The following SLC22A9 variants were observed in gnomAD, a reference collection of about 807,000 sequenced individuals.
The protein encoded by SLC22A9 is solute carrier family 22 member 9.
Under a neutral mutation model 50.1 loss-of-function variants are expected in SLC22A9, and 64 were observed. That is an observed-to-expected ratio of 1.28 (90% CI 1.04 to 1.57). The LOEUF is 1.57. SLC22A9 is among the 40% of genes most tolerant of loss of function. The pLI is 0.00. For missense variants in SLC22A9, 757 were observed against 676.1 expected (o/e 1.12, Z -1.33); for synonymous variants, 261 against 242.5 (o/e 1.08, Z -0.71).
intron 6 of SLC22A9, among the ~76,000 whole-genome samples, chr11:63,391,155 A>T (rs1299748147): frequency 6.6e-6 from 1 of 152,012 alleles, no homozygotes; most frequent in African/African-American, 2.4e-5. Flanking sequence ...ATTGATTTCT[A>T]GTTGTATTTC....
intron 6 of SLC22A9, among the ~76,000 whole-genome samples, chr11:63,385,217 T>C (rs1362519708): frequency 6.6e-6 from 1 of 150,992 alleles, no homozygotes; most frequent in Non-Finnish European, 1.5e-5. Flanking sequence ...ATGAAATCTT[T>C]GCCCATCCCT....
chr11:63,406,842 G>T lies in SLC22A9; in HGVS notation c.1288+131G>T, dbSNP rs1193005941. On this transcript the variant is annotated intron_variant, in intron 7 of 9. Coordinates refer to ENST00000279178, the MANE Select transcript of SLC22A9 (RefSeq NM_080866.3). ...TCTTAGGATTTCCTGACACCAATCT[G>T]GGGATTTGGGACAGATTCTGCCACA... The T allele has an allele frequency of 1.5e-5, 15 of 1,025,962 alleles. No individual in the cohort carries two copies. The Admixed American group carries it at 3.9e-4, about 26-fold the overall frequency. The allele number at this position is 1,025,962 out of a possible 1,614,324, so 63.6% of individuals were successfully genotyped here.
chr11:63,410,109 G>A lies in SLC22A9; in HGVS notation c.*247G>A, dbSNP rs1004949135. The A allele has an allele frequency of 1.3e-5, 4 of 305,670 alleles. No homozygotes were observed. The highest frequency in any genetic ancestry group is 4.4e-5 in the African/African-American group (2 of 45,866). 18.9% of individuals were successfully genotyped at this position (305,670 alleles called of 1,614,324 possible). On this transcript the variant is annotated 3_prime_UTR_variant, in exon 10 of 10. Coordinates refer to ENST00000279178, the MANE Select transcript of SLC22A9 (RefSeq NM_080866.3). ...ATACAAAACTTCGCTGGGCACAGTG[G>A]CACAGGCCTTTAATTCCAGCTACTT...
At chr11:63,370,836 T>G (rs1026124735) in intron 1 of SLC22A9, among the ~76,000 whole-genome samples, 3 of 152,144 alleles carry the variant, frequency 2.0e-5, no homozygotes, top group Non-Finnish European at 4.4e-5. Context: ...TGAGAAGGTC[T>G]AAGAGGGAAA....
chr11:63,377,986 A>G (rs1484940336), intron 5 of SLC22A9, among the ~76,000 whole-genome samples: 1 of 152,132 alleles, frequency 6.6e-6, no homozygotes, highest in Non-Finnish European at 1.5e-5. Flanking sequence ...CAAACTCCCA[A>G]TATTGAATCA....
chr11:63,406,850 G>T (rs567572481), intron 7 of SLC22A9, 139 bp downstream of exon 7: 14 of 984,242 alleles, frequency 1.4e-5, no homozygotes, highest in Admixed American at 2.8e-5. Context: ...CTGGGGATTT[G>T]GGACAGATTC....
chr11:63,382,946 G>A (rs1236813970), intron 6 of SLC22A9, among the ~76,000 whole-genome samples: 1 of 152,152 alleles, frequency 6.6e-6, no homozygotes, highest in Non-Finnish European at 1.5e-5. Flanking sequence ...TGCCAAGAGA[G>A]AACACCCTGG....
At chr11:63,382,965 C>T (rs570850960) in intron 6 of SLC22A9, among the ~76,000 whole-genome samples, 3 of 152,284 alleles carry the variant, frequency 2.0e-5, no homozygotes, top group South Asian at 2.1e-4. Context: ...GGCCTATGAC[C>T]GCTCCCTCAT....
chr11:63,382,576 C>A (rs545318337), intron 6 of SLC22A9, among the ~76,000 whole-genome samples: 5 of 152,132 alleles, frequency 3.3e-5, no homozygotes, highest in Non-Finnish European at 7.4e-5. Flanking sequence ...GTGTTTGTTT[C>A]CAGTTTTAAT....
intron 5 of SLC22A9, among the ~76,000 whole-genome samples, chr11:63,376,493 A>C (rs2014463272): frequency 6.6e-6 from 1 of 152,002 alleles, no homozygotes; most frequent in African/African-American, 2.4e-5. Context: ...TGCACAAATG[A>C]TACTAGATCA....
chr11:63,383,678 C>G (rs2119913837), intron 6 of SLC22A9, among the ~76,000 whole-genome samples: 1 of 152,132 alleles, frequency 6.6e-6, no homozygotes, highest in Middle Eastern at 3.4e-3. Flanking sequence ...AGAAACTGAC[C>G]ATAAAGAGAG....
At position 63,379,556 on chromosome 11, in the gene SLC22A9, G is replaced by A. The variant is rs114117246; in HGVS notation, c.955-2603G>A. On this transcript the variant is annotated intron_variant, in intron 5 of 9. Transcript: ENST00000279178. ...AGCTTTTCCACAAAAGTTTTCAACA[G>A]AGTAAATAAAGAAGAGTGTAAACAG... 4.8e-3 allele frequency among the ~76,000 whole-genome samples: 734 copies of A among 152,154 alleles called. 10 individuals are homozygous for A. The highest frequency in any genetic ancestry group is 0.017 in the African/African-American group (699 of 41,508).
At chr11:63,388,614 G>C (rs901438616) in intron 6 of SLC22A9, among the ~76,000 whole-genome samples, 1 of 151,874 alleles carries the variant, frequency 6.6e-6, no homozygotes, top group South Asian at 2.1e-4. Context: ...TGTTCAACAG[G>C]GATATTAGCC....
rs115240567 is a variant in SLC22A9, at chr11:63,383,702, G to C, written c.1073+1425G>C. On this transcript the variant is annotated intron_variant, in intron 6 of 9. Coordinates refer to ENST00000279178, the MANE Select transcript of SLC22A9 (RefSeq NM_080866.3). ...CCATAAAGAGAGGTATATGAATAAAGTGATAACAAATTAGAAACAGCTACC... is the reference window on the plus strand; with the variant it reads ...CCATAAAGAGAGGTATATGAATAAACTGATAACAAATTAGAAACAGCTACC... 6.2e-3 allele frequency among the ~76,000 whole-genome samples: 936 copies of C among 152,192 alleles called. 10 individuals are homozygous for C. The highest frequency in any genetic ancestry group is 0.021 in the African/African-American group (857 of 41,518).
chr11:63,379,576 A>T (rs1325353354), intron 5 of SLC22A9, among the ~76,000 whole-genome samples: 1 of 152,202 alleles, frequency 6.6e-6, no homozygotes, highest in African/African-American at 2.4e-5. Flanking sequence ...AGAAGAGTGT[A>T]AACAGAAAAC....
Position 63,371,175 on chromosome 11 carries a change from C to T in SLC22A9, c.443C>T (p.Ala148Val), listed in dbSNP as rs1285531268. The T allele has an allele frequency of 6.2e-7, 1 of 1,613,220 alleles. No individual in the cohort carries two copies. The highest frequency in any genetic ancestry group is 8.5e-7 in the Non-Finnish European group (1 of 1,179,536). Residue 148 changes from alanine to valine, a missense_variant, in exon 2 of 10, where the codon GCT becomes GTT. Ala to Val is a moderately conservative substitution (Grantham distance 64). Transcript: ENST00000279178. ...GACTCTCAATCACTGACTTCAGTGG[C>T]TAAATTTGTATTCATGGCTGGAATG... is the stretch of plus-strand genomic sequence containing the variant. ...VCDSQSLTSV[A>V]KFVFMAGMMV... is the part of the protein sequence containing the mutation.
At chr11:63,371,306 C>T in intron 2 of SLC22A9, 68 bp downstream of exon 2, 1 of 1,229,146 alleles carries the variant, frequency 8.1e-7, no homozygotes, top group Non-Finnish European at 1.2e-6. Flanking sequence ...ATTATTTCAT[C>T]TAGAATTACT....
rs1565179705 is a variant in SLC22A9 at position 63,370,113 on chromosome 11, T to A, written c.57T>A (p.Leu19=). ...HAGDLWRFQI[L]QTVFLSIFAV... Reference sequence around the variant, plus strand: ...GTGACCTGTGGAGATTCCAGATCCTTCAGACTGTTTTTCTCTCAATCTTTG... The same window carrying A: ...GTGACCTGTGGAGATTCCAGATCCTACAGACTGTTTTTCTCTCAATCTTTG... Residue 19 remains leucine (L), a synonymous_variant, in exon 1 of 10, where the codon CTT becomes CTA. Transcript: ENST00000279178. The A allele has an allele frequency of 1.2e-6, 2 of 1,613,908 alleles. No homozygotes were observed. The highest frequency in any genetic ancestry group is 1.7e-6 in the Non-Finnish European group (2 of 1,179,918).
intron 6 of SLC22A9, among the ~76,000 whole-genome samples, chr11:63,398,824 C>G (rs2014905322): frequency 6.6e-6 from 1 of 152,108 alleles, no homozygotes; most frequent in South Asian, 2.1e-4. Context: ...TATGAAGCTG[C>G]CTTTTGTGTG....
Sources: allele counts gnomAD v4.1 joint callset (sites outside exome capture counted in the v4.1 genomes callset), GRCh38; gene constraint gnomAD v4.1.1; transcripts MANE v1.5; gene names NCBI Gene and HGNC (gene_info 2026-07-23, HGNC 2026-07-21).